Variants in AFF2 observed in about 807,000 individuals in gnomAD.
The protein encoded by AFF2 is ALF transcription elongation factor 2.
AFF2 carries 14 observed loss-of-function variants against 76.9 expected under a neutral mutation model. That is an observed-to-expected ratio of 0.18 (90% CI 0.12 to 0.28). AFF2 has a LOEUF of 0.28. Ranked by LOEUF, AFF2 falls within the 10% of genes least tolerant of loss-of-function variation. AFF2 has a pLI of 1.00. For missense variants in AFF2, 868 were observed against 1,001.1 expected (o/e 0.87, Z 1.79); for synonymous variants, 398 against 366.7 (o/e 1.09, Z -0.98).
chrX:148,692,046 CT>C (rs66986683), intron 3 of AFF2, among the ~76,000 whole-genome samples: 34 of 101,918 alleles, frequency 3.3e-4, no homozygotes, highest in African/African-American at 4.6e-4. Context: ...CAAAAATGTT[CT>C]TTTTTTTTTT....
At chrX:148,650,093 C>G (rs1488260645) in intron 1 of AFF2, among the ~76,000 whole-genome samples, 7 of 111,202 alleles carry the variant, frequency 6.3e-5, no homozygotes, top group Non-Finnish European at 1.3e-4. Context: ...TCTACCCCCA[C>G]CCCCATAACA....
At chrX:148,946,296 A>G (rs1191226669) in intron 9 of AFF2, among the ~76,000 whole-genome samples, 2 of 112,399 alleles carry the variant, frequency 1.8e-5, no homozygotes, top group Non-Finnish European at 3.8e-5. Context: ...CCAGCACGTC[A>G]TTTAGCCATC....
intron 1 of AFF2, among the ~76,000 whole-genome samples, chrX:148,646,863 T>A (rs2054149159): frequency 8.9e-6 from 1 of 112,165 alleles, no homozygotes; most frequent in Admixed American, 9.5e-5. Context: ...AAGGTTCTTG[T>A]GTTTTTACTC....
At chrX:148,704,962 C>T (rs1377269100) in intron 3 of AFF2, among the ~76,000 whole-genome samples, 3 of 111,171 alleles carry the variant, frequency 2.7e-5, no homozygotes, top group South Asian at 3.8e-4. Flanking sequence ...CTACCGTGCC[C>T]GGCCCCCATC....
chrX:148,719,326 T>A (rs2055065317), intron 3 of AFF2: 3 of 619,805 alleles, frequency 4.8e-6, no homozygotes, highest in Non-Finnish European at 7.5e-6. Flanking sequence ...CTGATCACAG[T>A]GAGGTATTTC....
At chrX:148,866,204 A>G (rs781857922) in intron 7 of AFF2, among the ~76,000 whole-genome samples, 1 of 112,111 alleles carries the variant, frequency 8.9e-6, no homozygotes, top group Non-Finnish European at 1.9e-5. Flanking sequence ...CGCATTTCTA[A>G]GCTGTCAACT....
In AFF2 at chrX:148,998,080, G is replaced by C. The variant is rs2072627114; in HGVS notation, c.*6748G>C. The C allele has an allele frequency of 9.0e-6, 1 of 111,189 alleles. No homozygotes were observed. The highest frequency in any genetic ancestry group is 9.5e-5 in the Admixed American group (1 of 10,567). The allele number at this position is 111,189 out of a possible 1,213,427, so 9.2% of individuals were successfully genotyped here. ...GTCTTTGATAAAATGAATGTCAGTA[G>C]TGAGCCTTTTAGAGATACCATGCTC... On this transcript the variant is annotated 3_prime_UTR_variant, in exon 21 of 21. Transcript: ENST00000370460.
At chrX:148,930,098 G>A (rs73614011) in intron 9 of AFF2, among the ~76,000 whole-genome samples, 6,674 of 111,678 alleles carry the variant, frequency 0.06, 482 homozygotes, top group African/African-American at 0.2. Flanking sequence ...GGAAGTTACA[G>A]TCTCTGCACT....
chrX:148,738,701 G>A (rs1378190446), intron 3 of AFF2, among the ~76,000 whole-genome samples: 3 of 111,136 alleles, frequency 2.7e-5, no homozygotes, highest in African/African-American at 9.8e-5. Flanking sequence ...TCCTTGAGGT[G>A]TGACCTTAGA....
rs372189578 is a variant in AFF2 at position 148,730,953 on chromosome X, G to C, written c.1041+68185G>C. 1.8e-4 allele frequency among the ~76,000 whole-genome samples: 20 copies of C among 111,844 alleles called. No individual in the cohort carries two copies. The South Asian group carries it at 7.5e-3, about 42-fold the overall frequency. On this transcript the variant is annotated intron_variant, in intron 3 of 20. Coordinates refer to ENST00000370460, the MANE Select transcript of AFF2 (RefSeq NM_002025.4). ...GAGGTGTTTGGCAGCCAGGAAGATT[G>C]TGTACATAAATCTGGGCAAGACTTT...
At chrX:148,832,265 A>G (rs2062067417) in intron 4 of AFF2, among the ~76,000 whole-genome samples, 1 of 112,484 alleles carries the variant, frequency 8.9e-6, no homozygotes, top group African/African-American at 3.2e-5. Context: ...ACCATGACTC[A>G]GTTACCATGA....
At chrX:148,606,295 T>A (rs138283596) in intron 1 of AFF2, among the ~76,000 whole-genome samples, 1,449 of 112,062 alleles carry the variant, frequency 0.013, 64 homozygotes, top group Admixed American at 0.12. Flanking sequence ...CAAGATAGGA[T>A]TCTGTACAGA....
chrX:148,699,381 A>T (rs1203896939), intron 3 of AFF2, among the ~76,000 whole-genome samples: 2 of 112,143 alleles, frequency 1.8e-5, no homozygotes, highest in Non-Finnish European at 3.8e-5. Flanking sequence ...AGACACATTT[A>T]TATCCTCTGG....
chrX:148,980,633 G>T, intron 18 of AFF2, 105 bp from the exon 19 acceptor site: 1 of 603,453 alleles, frequency 1.7e-6, no homozygotes, highest in South Asian at 2.6e-5. Context: ...CCGAAATGCT[G>T]CAATCAATAT....
Position 148,962,815 on chromosome X carries a change from A to C in AFF2, c.2791A>C (p.Ser931Arg). The C allele has an allele frequency of 1.7e-6, 2 of 1,209,027 alleles. No individual in the cohort carries two copies. Among genetic ancestry groups the C allele is most frequent in the Non-Finnish European group, 2.2e-6 (2 of 892,801 alleles). ...PEDPPRRRNV[S>R]GNNGPFGQDK... The stretch of plus-strand genomic sequence containing the variant: ...GGACCCTCCACGCCGCAGAAATGTC[A>C]GTGGCAATAATGGTCCCTTTGGTCA... Residue 931 changes from serine to arginine, a missense_variant, in exon 13 of 21, where the codon AGT becomes CGT. By Grantham distance (110) the Ser-to-Arg change is moderately radical. Around this residue, in one of 6 missense-constraint regions of AFF2, gnomAD observed 532 missense variants for 564.2 expected, o/e 0.94. Coordinates refer to ENST00000370460, the MANE Select transcript of AFF2 (RefSeq NM_002025.4).
intron 1 of AFF2, among the ~76,000 whole-genome samples, chrX:148,605,913 A>G (rs1217411629): frequency 8.9e-6 from 1 of 112,115 alleles, no homozygotes. Context: ...ATCAAAATCT[A>G]TGGATGAATA....
chrX:148,502,943 C>A (rs1194107609), intron 1 of AFF2, among the ~76,000 whole-genome samples: 2 of 112,730 alleles, frequency 1.8e-5, no homozygotes, highest in Non-Finnish European at 3.8e-5. Context: ...GGCTCCCTCA[C>A]CCCTGTGGGA....
chrX:148,912,886 C>G (rs1372828491), intron 9 of AFF2, among the ~76,000 whole-genome samples: 1 of 112,557 alleles, frequency 8.9e-6, no homozygotes, highest in Non-Finnish European at 1.9e-5. Flanking sequence ...CCAGTCCACT[C>G]ATTTCAAGAT....
intron 3 of AFF2, among the ~76,000 whole-genome samples, chrX:148,663,942 G>A (rs1216841040): frequency 8.9e-6 from 1 of 111,978 alleles, no homozygotes; most frequent in Non-Finnish European, 1.9e-5. Flanking sequence ...TTTTAATATT[G>A]TTTCATTTCT....
Sources: allele counts gnomAD v4.1 joint callset (sites outside exome capture counted in the v4.1 genomes callset), GRCh38; gene constraint gnomAD v4.1.1; regional missense constraint gnomAD v4.1.1; transcripts MANE v1.5; gene names NCBI Gene and HGNC (gene_info 2026-07-23, HGNC 2026-07-21).